The following PARD3B variants were observed in gnomAD, a reference collection of about 807,000 sequenced individuals.
The protein encoded by PARD3B is partitioning defective 3 homolog B.
A neutral mutation model predicts 130.2 loss-of-function variants in PARD3B; 103 were observed. That is an observed-to-expected ratio of 0.79 (90% confidence interval 0.67 to 0.93). PARD3B has a LOEUF of 0.93. Ranked by LOEUF, PARD3B falls within the 40% of genes least tolerant of loss-of-function variation. PARD3B has a pLI of 0.00. For synonymous variants in PARD3B, 583 were observed against 553.2 expected (o/e 1.05, Z -0.76); for missense variants, 1,609 against 1,499.2 (o/e 1.07, Z -1.21).
rs151064430 is a variant in PARD3B at position 205,321,479 on chromosome 2, CCTCT to C, written c.2630+19790_2630+19793del. Among the ~76,000 whole-genome samples, 2 of 149,416 alleles carry C rather than the reference CCTCT, an allele frequency of 1.3e-5. No homozygotes were observed. Among genetic ancestry groups the C allele is most frequent in the South Asian group, 2.1e-4 (1 of 4,694 alleles). ...TTCTCTCTCTTCCTCTCTCTCTTTC[CCTCT>C]CTCTCTCTCTCCCCCCGCCCATATG... is the stretch of plus-strand genomic sequence containing the variant. On this transcript the variant is annotated intron_variant, in intron 18 of 22. Transcript: ENST00000406610. This position sits in a 1 kb window ranked among gnomAD's most constrained non-coding sequence, Gnocchi z 4.2.
At chr2:204,779,179 C>T (rs999340525) in intron 2 of PARD3B, among the ~76,000 whole-genome samples, 1 of 152,130 alleles carries the variant, frequency 6.6e-6, no homozygotes, top group Non-Finnish European at 1.5e-5. Flanking sequence ...TCAGAGATGC[C>T]ATCATCCCCT....
intron 2 of PARD3B, among the ~76,000 whole-genome samples, chr2:204,781,634 A>G (rs2041837849): frequency 6.6e-6 from 1 of 152,152 alleles, no homozygotes; most frequent in South Asian, 2.1e-4. Context: ...TTTACTAAAA[A>G]CACTGAAGTA....
intron 2 of PARD3B, among the ~76,000 whole-genome samples, chr2:204,926,037 T>C (rs776317819): frequency 5.9e-5 from 9 of 152,114 alleles, no homozygotes; most frequent in Non-Finnish European, 1.3e-4. Flanking sequence ...CTTTCCTTTA[T>C]AAATTACCCA....
chr2:205,041,897 T>A (rs1271121811), intron 3 of PARD3B, among the ~76,000 whole-genome samples: 3 of 152,082 alleles, frequency 2.0e-5, no homozygotes, highest in Non-Finnish European at 2.9e-5. Context: ...TAACTGCCTA[T>A]CCTTCAAAAC....
At chr2:204,691,223 G>C (rs977486545) in intron 2 of PARD3B, among the ~76,000 whole-genome samples, 4 of 151,944 alleles carry the variant, frequency 2.6e-5, no homozygotes, top group African/African-American at 9.7e-5. Flanking sequence ...TTTTTGGCTG[G>C]GTTGAAGAAG....
intron 2 of PARD3B, among the ~76,000 whole-genome samples, chr2:204,832,595 A>G (rs1167238028): frequency 6.6e-6 from 1 of 152,224 alleles, no homozygotes; most frequent in African/African-American, 2.4e-5. Context: ...AAGGAGGTGC[A>G]GTGGACATAA....
intron 18 of PARD3B, among the ~76,000 whole-genome samples, chr2:205,389,291 T>C (rs1056826278): frequency 6.6e-6 from 1 of 152,216 alleles, no homozygotes; most frequent in African/African-American, 2.4e-5. Flanking sequence ...GCTCATATTT[T>C]CCAATTACCT....
At chr2:204,602,426 A>T (rs551510206) in intron 1 of PARD3B, among the ~76,000 whole-genome samples, 21 of 151,888 alleles carry the variant, frequency 1.4e-4, no homozygotes, top group African/African-American at 4.8e-4. Context: ...GACACAGTTT[A>T]AAAAAAATAA....
chr2:205,207,404 C>A (rs1296008558), intron 15 of PARD3B, among the ~76,000 whole-genome samples: 1 of 148,348 alleles, frequency 6.7e-6, no homozygotes, highest in Non-Finnish European at 1.5e-5. Flanking sequence ...ACAAAAAACC[C>A]TTCAAAAAAT....
chr2:205,496,144 A>G (rs1349339019), intron 20 of PARD3B, among the ~76,000 whole-genome samples: 2 of 152,248 alleles, frequency 1.3e-5, no homozygotes, highest in Non-Finnish European at 2.9e-5. Context: ...GATTGCCACT[A>G]TCACAAAGGT....
At chr2:205,523,494 T>TTCAG (rs969941627) in intron 21 of PARD3B, among the ~76,000 whole-genome samples, 1 of 151,928 alleles carries the variant, frequency 6.6e-6, no homozygotes, top group African/African-American at 2.4e-5. Flanking sequence ...TTTTAGTAAT[T>TTCAG]TCAGTCATAC....
chr2:205,181,275 T>A (rs2035772029), intron 13 of PARD3B, among the ~76,000 whole-genome samples: 1 of 152,234 alleles, frequency 6.6e-6, no homozygotes. Flanking sequence ...GGGACCAGCA[T>A]GTATCTACCC....
chr2:205,380,539 A>C (rs1256429575), intron 18 of PARD3B, among the ~76,000 whole-genome samples: 1 of 8,486 alleles, frequency 1.2e-4, no homozygotes, highest in African/African-American at 4.1e-4. Context: ...ATTATATATA[A>C]TATATAAAGA....
At chr2:205,322,336 TG>T (rs1343533473) in intron 18 of PARD3B, among the ~76,000 whole-genome samples, 2 of 152,170 alleles carry the variant, frequency 1.3e-5, no homozygotes, top group Middle Eastern at 6.3e-3. Flanking sequence ...TGTATTATGT[TG>T]GAGTGACCAC....
chr2:204,914,797 T>C (rs2125734148), intron 2 of PARD3B, among the ~76,000 whole-genome samples: 1 of 152,262 alleles, frequency 6.6e-6, no homozygotes, highest in East Asian at 1.9e-4. Context: ...CCAGCAGGAC[T>C]GTGGAGTGGC....
intron 18 of PARD3B, among the ~76,000 whole-genome samples, chr2:205,344,207 T>G (rs2043660710): frequency 6.6e-6 from 1 of 151,628 alleles, no homozygotes; most frequent in African/African-American, 2.4e-5. Context: ...TGTGTGTGTG[T>G]GTGTGTGTGT....
At chr2:204,611,117 T>TA (rs892062881) in intron 1 of PARD3B, among the ~76,000 whole-genome samples, 1 of 152,190 alleles carries the variant, frequency 6.6e-6, no homozygotes, top group African/African-American at 2.4e-5. Context: ...ACAAAATTCT[T>TA]ATTCTGATCT....
chr2:205,131,254 A>C (rs1453815153), intron 10 of PARD3B, among the ~76,000 whole-genome samples: 3 of 152,224 alleles, frequency 2.0e-5, no homozygotes, highest in Non-Finnish European at 4.4e-5. Flanking sequence ...TTCTACCTAA[A>C]CTAATGTGCA....
intron 15 of PARD3B, among the ~76,000 whole-genome samples, chr2:205,223,253 A>G (rs2038342080): frequency 6.6e-6 from 1 of 152,234 alleles, no homozygotes; most frequent in Admixed American, 6.5e-5. Context: ...TACAAAGATA[A>G]AGAGAATATT....
Sources: gnomAD v4.1 joint callset for allele counts (sites outside exome capture counted in the v4.1 genomes callset) on GRCh38, gnomAD v4.1.1 for gene constraint, Gnocchi (gnomAD v3.1) non-coding constraint, MANE v1.5 for transcripts, NCBI Gene and HGNC (gene_info 2026-07-23, HGNC 2026-07-21) for gene names.